The following TMEM132B variants were observed in gnomAD, a reference collection of about 807,000 sequenced individuals.
The protein encoded by TMEM132B is transmembrane protein 132B.
A neutral mutation model predicts 90.8 loss-of-function variants in TMEM132B; 18 were observed. That is an observed-to-expected ratio of 0.20 (90% CI 0.14 to 0.29). The LOEUF is 0.29. Among genes scored for constraint, TMEM132B ranks in the 10% least tolerant of loss-of-function variants. The probability of loss-of-function intolerance (pLI) is 1.00; values close to 1 mark genes in which losing one functional copy is unlikely to be tolerated. For synonymous variants in TMEM132B, 504 were observed against 523.3 expected, an observed-to-expected ratio of 0.96 and a Z score of 0.50; for missense variants, 1,096 against 1,326.8, an observed-to-expected ratio of 0.83 and a Z score of 2.70.
chr12:125,517,980 A>G (rs1255235224), intron 3 of TMEM132B, among the ~76,000 whole-genome samples: 1 of 152,186 alleles, frequency 6.6e-6, no homozygotes, highest in Non-Finnish European at 1.5e-5. Context: ...TTGCACGTAA[A>G]TGGCCATTTG....
chr12:125,560,264 T>A (rs1231081647), intron 4 of TMEM132B, among the ~76,000 whole-genome samples: 1 of 152,120 alleles, frequency 6.6e-6, no homozygotes, highest in Non-Finnish European at 1.5e-5. Context: ...AACTCCAGAA[T>A]GAAGTGGTCC....
At chr12:125,289,463 C>T (rs745760659) in intron 1 of TMEM132B, among the ~76,000 whole-genome samples, 1 of 152,166 alleles carries the variant, frequency 6.6e-6, no homozygotes, top group Non-Finnish European at 1.5e-5. Context: ...CTCCAGGTTG[C>T]ATCACTCTTA....
At chr12:125,190,636 TG>T (rs1957794151) in intron 1 of TMEM132B, among the ~76,000 whole-genome samples, 7 of 34,224 alleles carry the variant, frequency 2.0e-4, no homozygotes, top group Admixed American at 4.1e-4. Context: ...GTGATGGTGA[TG>T]GGGAAGGGGT....
intron 5 of TMEM132B, among the ~76,000 whole-genome samples, chr12:125,624,718 TTACTAGAG>T (rs1168431955): frequency 6.6e-6 from 1 of 152,246 alleles, no homozygotes; most frequent in African/African-American, 2.4e-5. Context: ...GTTCACGATC[TTACTAGAG>T]TCCAGGGTTT....
At chr12:125,352,287 C>T (rs909151243) in intron 2 of TMEM132B, among the ~76,000 whole-genome samples, 1 of 152,244 alleles carries the variant, frequency 6.6e-6, no homozygotes, top group Non-Finnish European at 1.5e-5. Context: ...AAGACAATTT[C>T]TTTCTCTGCA....
At chr12:125,537,867 C>G (rs1176690253) in intron 4 of TMEM132B, among the ~76,000 whole-genome samples, 1 of 152,198 alleles carries the variant, frequency 6.6e-6, no homozygotes, top group Non-Finnish European at 1.5e-5. Flanking sequence ...CTGGATGTCT[C>G]TGAGCCTCAG....
intron 1 of TMEM132B, among the ~76,000 whole-genome samples, chr12:125,249,085 TGACTTGGGATCGGTAA>T (rs1874263055): frequency 6.6e-6 from 1 of 152,198 alleles, no homozygotes; most frequent in South Asian, 2.1e-4. Flanking sequence ...TTTCTCATGG[TGACTTGGGATCGGTAA>T]GACTTGTGCT....
At chr12:125,580,806 C>T (rs574799955) in intron 4 of TMEM132B, among the ~76,000 whole-genome samples, 25 of 152,274 alleles carry the variant, frequency 1.6e-4, no homozygotes, top group African/African-American at 6.0e-4. Flanking sequence ...AGCACATAGT[C>T]ATAAAGGACT....
At chr12:125,337,003 A>G (rs1321498215) in intron 1 of TMEM132B, among the ~76,000 whole-genome samples, 1 of 152,228 alleles carries the variant, frequency 6.6e-6, no homozygotes, top group Non-Finnish European at 1.5e-5. Context: ...GGTGGTACCT[A>G]TAGGAGGTCA....
chr12:125,329,310 G>T (rs1027871426), intron 1 of TMEM132B, among the ~76,000 whole-genome samples: 2 of 152,228 alleles, frequency 1.3e-5, no homozygotes, highest in South Asian at 2.1e-4. Flanking sequence ...AAGCCTCCCA[G>T]CCTATGATGG....
intron 1 of TMEM132B, among the ~76,000 whole-genome samples, chr12:125,194,219 AG>A (rs1036182419): frequency 2.7e-5 from 4 of 150,590 alleles, no homozygotes; most frequent in Admixed American, 6.6e-5. Context: ...TTTATTACTG[AG>A]GGTGATAGAG....
intron 5 of TMEM132B, among the ~76,000 whole-genome samples, chr12:125,639,985 T>G (rs1316391317): frequency 6.6e-6 from 1 of 152,140 alleles, no homozygotes; most frequent in Non-Finnish European, 1.5e-5. Flanking sequence ...CTCTAGGCCA[T>G]CGAGGGCCCG....
chr12:125,513,324 G>T (rs1478688503), intron 3 of TMEM132B, among the ~76,000 whole-genome samples: 1 of 122,742 alleles, frequency 8.1e-6, no homozygotes, highest in Admixed American at 7.8e-5. Flanking sequence ...ATACTTGTAT[G>T]TGCGTGTGCG....
chr12:125,560,323 C>G lies in TMEM132B; in HGVS notation c.1294-23528C>G, dbSNP rs180980021. On this transcript the variant is annotated intron_variant, in intron 4 of 8. Transcript: ENST00000682704. ...ACCCAAGAGAGAGCAGATCTGGGGCCAGTGTTTATCTGACCTTAGGTGTCT... is the reference window on the plus strand; with the variant it reads ...ACCCAAGAGAGAGCAGATCTGGGGCGAGTGTTTATCTGACCTTAGGTGTCT... Among the ~76,000 whole-genome samples the G allele has an allele frequency of 2.6e-5, 4 of 152,256 alleles. No individual in the cohort carries two copies. The East Asian group carries it at 7.7e-4, about 29-fold the overall frequency.
chr12:125,522,314 T>C (rs1373006870), intron 4 of TMEM132B, among the ~76,000 whole-genome samples: 1 of 152,198 alleles, frequency 6.6e-6, no homozygotes, highest in Non-Finnish European at 1.5e-5. Context: ...AGAAAGAATG[T>C]GAACACGGAA....
intron 1 of TMEM132B, among the ~76,000 whole-genome samples, chr12:125,338,714 C>T (rs746706612): frequency 6.6e-6 from 1 of 152,290 alleles, no homozygotes; most frequent in East Asian, 1.9e-4. Flanking sequence ...TGCTGTCCTG[C>T]CCATCAGCAC....
At chr12:125,419,674 A>G (rs1880117965) in intron 3 of TMEM132B, among the ~76,000 whole-genome samples, 1 of 152,184 alleles carries the variant, frequency 6.6e-6, no homozygotes, top group South Asian at 2.1e-4. Flanking sequence ...TTTCAAAACC[A>G]GTCATGCCTC....
chr12:125,555,097 C>T (rs971192203), intron 4 of TMEM132B, among the ~76,000 whole-genome samples: 2 of 152,074 alleles, frequency 1.3e-5, no homozygotes, highest in African/African-American at 2.4e-5. Context: ...TGTAGTGATT[C>T]GTGGGCTGAA....
At chr12:125,378,031 C>T (rs990957448) in intron 2 of TMEM132B, among the ~76,000 whole-genome samples, 10 of 152,016 alleles carry the variant, frequency 6.6e-5, no homozygotes, top group African/African-American at 2.4e-4. Flanking sequence ...TTGATCTTGG[C>T]TGTTAGAAGT....
Sources: gnomAD v4.1 joint callset for allele counts (sites outside exome capture counted in the v4.1 genomes callset) on GRCh38, gnomAD v4.1.1 for gene constraint, MANE v1.5 for transcripts, NCBI Gene and HGNC (gene_info 2026-07-23, HGNC 2026-07-21) for gene names.